DRC11: variants seen among roughly 807,000 people sequenced by gnomAD.
The protein encoded by DRC11 is dynein regulatory complex subunit 11, also known as IQ and AAA domain-containing protein 1.
the DRC11 span, among the ~76,000 whole-genome samples, chr2:236,365,076 C>T: frequency 3.3e-5 from 5 of 152,140 alleles, no homozygotes; most frequent in South Asian, 2.1e-4. This position sits in a 1 kb window ranked among gnomAD's most constrained non-coding sequence, Gnocchi z 7.4. Flanking sequence ...ATTTGCCCTG[C>T]GTTGGACACC....
the DRC11 span, among the ~76,000 whole-genome samples, chr2:236,420,453 C>T: frequency 5.3e-4 from 80 of 152,238 alleles, no homozygotes; most frequent in Non-Finnish European, 7.5e-4. The surrounding 1 kb of genome is among the most constrained non-coding windows in gnomAD (Gnocchi z 4.8). Flanking sequence ...ATGACAAACT[C>T]CAAATTAAGT....
the DRC11 span, among the ~76,000 whole-genome samples, chr2:236,476,075 T>A: frequency 1.6e-4 from 25 of 152,288 alleles, no homozygotes; most frequent in African/African-American, 5.8e-4. The surrounding 1 kb of genome is among the most constrained non-coding windows in gnomAD (Gnocchi z 4.7). Flanking sequence ...TGTGGTTCTA[T>A]AGGAATTTTA....
the DRC11 span, among the ~76,000 whole-genome samples, chr2:236,336,935 C>T: frequency 7.9e-5 from 12 of 152,176 alleles, no homozygotes; most frequent in Non-Finnish European, 1.3e-4. This position sits in a 1 kb window ranked among gnomAD's most constrained non-coding sequence, Gnocchi z 7.3. Context: ...GGCTGGGTCA[C>T]AAGAATCCTT....
chr2:236,454,857 A>G, the DRC11 span: 1 of 152,222 alleles, frequency 6.6e-6, no homozygotes, highest in Non-Finnish European at 1.5e-5. The surrounding 1 kb of genome is among the most constrained non-coding windows in gnomAD (Gnocchi z 5.3). Flanking sequence ...TCAATCTGCC[A>G]GTAACTAGGC....
chr2:236,484,900 C>T, the DRC11 span, among the ~76,000 whole-genome samples: 4 of 152,214 alleles, frequency 2.6e-5, no homozygotes, highest in African/African-American at 7.2e-5. Context: ...CGACCTGCGT[C>T]GTGATCTGAG....
chr2:236,456,070 C>G, the DRC11 span, among the ~76,000 whole-genome samples: 1 of 151,986 alleles, frequency 6.6e-6, no homozygotes, highest in Non-Finnish European at 1.5e-5. The surrounding 1 kb of genome is among the most constrained non-coding windows in gnomAD (Gnocchi z 5.4). Flanking sequence ...TACAAAGGCC[C>G]CAGACTCCAG....
the DRC11 span, among the ~76,000 whole-genome samples, chr2:236,358,163 AATAT>A: frequency 4.1e-5 from 5 of 122,548 alleles, no homozygotes; most frequent in Admixed American, 9.0e-5. Flanking sequence ...ATACTATATG[AATAT>A]ATAATATATA....
At chr2:236,401,654 C>G in the DRC11 span, among the ~76,000 whole-genome samples, 1 of 151,738 alleles carries the variant, frequency 6.6e-6, no homozygotes, top group Non-Finnish European at 1.5e-5. The surrounding 1 kb of genome is among the most constrained non-coding windows in gnomAD (Gnocchi z 4.6). Flanking sequence ...AGGCTGAGAG[C>G]GTGAAGTCAG....
chr2:236,488,325 C>A, the DRC11 span: 1 of 542,648 alleles, frequency 1.8e-6, no homozygotes. Flanking sequence ...GTGAGAACCG[C>A]TGAACACTGT....
At chr2:236,405,971 C>A in the DRC11 span, among the ~76,000 whole-genome samples, 1 of 152,188 alleles carries the variant, frequency 6.6e-6, no homozygotes, top group Non-Finnish European at 1.5e-5. This position sits in a 1 kb window ranked among gnomAD's most constrained non-coding sequence, Gnocchi z 4.6. Flanking sequence ...GTAACTGGAA[C>A]TGCGAAAAGT....
At chr2:236,463,195 C>T in the DRC11 span, among the ~76,000 whole-genome samples, 13 of 152,238 alleles carry the variant, frequency 8.5e-5, no homozygotes, top group South Asian at 2.7e-3. This position sits in a 1 kb window ranked among gnomAD's most constrained non-coding sequence, Gnocchi z 5.0. Flanking sequence ...ATAAACTGAT[C>T]ATATTTCAAG....
At chr2:236,437,017 T>C in the DRC11 span, among the ~76,000 whole-genome samples, 4 of 151,820 alleles carry the variant, frequency 2.6e-5, no homozygotes, top group Non-Finnish European at 5.9e-5. Flanking sequence ...TGTATACATG[T>C]GCCATGCTGG....
At chr2:236,319,132 C>T in the DRC11 span, among the ~76,000 whole-genome samples, 2 of 152,202 alleles carry the variant, frequency 1.3e-5, no homozygotes, top group African/African-American at 2.4e-5. The surrounding 1 kb of genome is among the most constrained non-coding windows in gnomAD (Gnocchi z 6.7). Flanking sequence ...CCTTCTTCAT[C>T]GCAGCCTGCA....
At chr2:236,468,651 T>C in the DRC11 span, among the ~76,000 whole-genome samples, 5 of 152,212 alleles carry the variant, frequency 3.3e-5, no homozygotes, top group Non-Finnish European at 7.3e-5. Flanking sequence ...GTCCAGGTAA[T>C]GTTTTTCATT....
chr2:236,368,619 A>G, the DRC11 span: 1 of 210,278 alleles, frequency 4.8e-6, no homozygotes, highest in Non-Finnish European at 9.6e-6. Context: ...TGCTAAAAAG[A>G]AGGACACACA....
the DRC11 span, among the ~76,000 whole-genome samples, chr2:236,428,921 T>C: frequency 6.6e-6 from 1 of 152,258 alleles, no homozygotes; most frequent in African/African-American, 2.4e-5. Context: ...ATGTAATTCA[T>C]GGATCTCCAA....
the DRC11 span, chr2:236,343,703 T>A: frequency 2.3e-6 from 3 of 1,303,408 alleles, no homozygotes; most frequent in Non-Finnish European, 3.0e-6. This position sits in a 1 kb window ranked among gnomAD's most constrained non-coding sequence, Gnocchi z 6.6. Flanking sequence ...TTTGCATACC[T>A]ACTTGTGGAC....
At chr2:236,434,600 G>A in the DRC11 span, among the ~76,000 whole-genome samples, 2 of 152,078 alleles carry the variant, frequency 1.3e-5, no homozygotes, top group African/African-American at 2.4e-5. This position sits in a 1 kb window ranked among gnomAD's most constrained non-coding sequence, Gnocchi z 5.5. Flanking sequence ...TAGTGTGTGG[G>A]GGAACTGTGA....
At chr2:236,426,612 GC>G in the DRC11 span, among the ~76,000 whole-genome samples, 8 of 151,928 alleles carry the variant, frequency 5.3e-5, no homozygotes, top group Non-Finnish European at 1.2e-4. This position sits in a 1 kb window ranked among gnomAD's most constrained non-coding sequence, Gnocchi z 4.1. Context: ...TTGCTATGTT[GC>G]CCAGGCTCTT....
Sources: gnomAD v4.1 joint callset for allele counts (sites outside exome capture counted in the v4.1 genomes callset) on GRCh38, gnomAD v4.1.1 for gene constraint, Gnocchi (gnomAD v3.1) non-coding constraint, MANE v1.5 for transcripts, NCBI Gene and HGNC (gene_info 2026-07-23, HGNC 2026-07-21) for gene names.